The following ATP6V1D variants were observed in gnomAD, a reference collection of about 807,000 sequenced individuals.
ATP6V1D encodes the protein ATPase H+ transporting V1 subunit D.
In ATP6V1D, 20 loss-of-function variants were observed where a neutral mutation model predicts 39.4. The ratio of observed to expected loss-of-function variants is 0.51; its 90% CI spans 0.36 to 0.74. The LOEUF is 0.74. ATP6V1D is among the 30% of genes least tolerant of loss of function. The pLI is 0.00. For missense variants in ATP6V1D, 228 were observed against 291.6 expected (o/e 0.78, Z 1.59); for synonymous variants, 100 against 100.5 (o/e 0.99, Z 0.03).
At chr14:67,352,422 G>A (rs1423574413) in intron 2 of ATP6V1D, among the ~76,000 whole-genome samples, 1 of 145,202 alleles carries the variant, frequency 6.9e-6, no homozygotes, top group Admixed American at 7.0e-5. Context: ...GTAAGACCTT[G>A]CCTCAAAAAA....
intron 1 of ATP6V1D, among the ~76,000 whole-genome samples, chr14:67,357,346 G>T (rs1222713413): frequency 6.6e-6 from 1 of 152,210 alleles, no homozygotes; most frequent in African/African-American, 2.4e-5. Context: ...TAGCTAGGAT[G>T]ATGACTTTTC....
rs1166123829 is a variant in ATP6V1D, at chr14:67,350,691, C to G, written c.160-1G>C. 1 of 1,612,968 alleles carries G rather than the reference C, an allele frequency of 6.2e-7. No individual in the cohort carries two copies. The highest frequency in any genetic ancestry group is 1.1e-5 in the South Asian group (1 of 90,912). On this transcript the variant is annotated splice_acceptor_variant, in intron 2 of 8. Transcript: ENST00000216442. LOFTEE classifies it high-confidence loss of function. ...TCACTTCGCCCATCAACATTTTAGT[C>G]TGGAAAAGCATAAACCAACAGCAGA...
At chr14:67,347,034 T>C (rs1046493700) in intron 5 of ATP6V1D, among the ~76,000 whole-genome samples, 3 of 152,220 alleles carry the variant, frequency 2.0e-5, no homozygotes, top group Non-Finnish European at 4.4e-5. Context: ...TAGCCCAGGC[T>C]GGAGTGCAGT....
chr14:67,343,503 C>T (rs2085600682), intron 6 of ATP6V1D, 65 bp from the exon 7 acceptor site: 2 of 1,152,590 alleles, frequency 1.7e-6, no homozygotes, highest in East Asian at 2.4e-5. Flanking sequence ...GATCACTTGA[C>T]TCCACTAAGA....
chr14:67,343,541 C>T (rs2085600827), intron 6 of ATP6V1D, 103 bp from the exon 7 acceptor site: 2 of 833,758 alleles, frequency 2.4e-6, no homozygotes, highest in Non-Finnish European at 3.8e-6. Context: ...ATTTGAGAAC[C>T]AAGACAACTT....
chr14:67,347,454 C>T lies in ATP6V1D; in HGVS notation c.308-1G>A. ...TGTTCAAATACTGGCAAAGTAACACCTGTTAAACACAGAAGCATACATGGA... is the reference window on the plus strand; with the variant it reads ...TGTTCAAATACTGGCAAAGTAACACTTGTTAAACACAGAAGCATACATGGA... On this transcript the variant is annotated splice_acceptor_variant, in intron 4 of 8. Coordinates refer to ENST00000216442, the MANE Select transcript of ATP6V1D (RefSeq NM_015994.4). LOFTEE classifies it high-confidence loss of function. 6.2e-7 allele frequency: 1 copy of T among 1,605,420 alleles called. No individual in the cohort carries two copies. The highest frequency in any genetic ancestry group is 8.5e-7 in the Non-Finnish European group (1 of 1,173,586).
chr14:67,341,426 G>A (rs545277642), intron 7 of ATP6V1D, among the ~76,000 whole-genome samples: 166 of 151,858 alleles, frequency 1.1e-3, no homozygotes, highest in African/African-American at 3.7e-3. Context: ...AGTGAGGAGC[G>A]TCTCCGCCCA....
At chr14:67,341,105 G>A (rs979474253) in intron 7 of ATP6V1D, among the ~76,000 whole-genome samples, 7 of 152,240 alleles carry the variant, frequency 4.6e-5, no homozygotes, top group African/African-American at 1.7e-4. Flanking sequence ...CCCGGTCTGG[G>A]AAGTGAGGAG....
chr14:67,349,568 C>A (rs959934300), intron 3 of ATP6V1D, among the ~76,000 whole-genome samples: 1 of 152,198 alleles, frequency 6.6e-6, no homozygotes, highest in Non-Finnish European at 1.5e-5. Flanking sequence ...GGTGCGATAG[C>A]TCACGCCTGT....
At chr14:67,341,766 A>G (rs977749839) in intron 7 of ATP6V1D, among the ~76,000 whole-genome samples, 1 of 152,246 alleles carries the variant, frequency 6.6e-6, no homozygotes. Flanking sequence ...GGGAAAAGAT[A>G]GAGAAATCGG....
At position 67,359,772 on chromosome 14, in the gene ATP6V1D, C is replaced by A. The variant is rs759546423; in HGVS notation, c.-74G>T. On this transcript the variant is annotated 5_prime_UTR_variant, in exon 1 of 9. Transcript: ENST00000216442. ...GCAATAGCTCCAGAACTGGCCTCCA[C>A]AGTGTCTTCCTCTACGGGAGTCAGC... 19 of 1,554,364 alleles carry A rather than the reference C, an allele frequency of 1.2e-5. No homozygotes were observed. Among genetic ancestry groups the A allele is most frequent in the Non-Finnish European group, 1.5e-5 (17 of 1,130,142 alleles).
At position 67,357,498 on chromosome 14, in the gene ATP6V1D, C is replaced by T. The variant is rs112571292; in HGVS notation, c.41+2160G>A. 7.6e-3 allele frequency among the ~76,000 whole-genome samples: 1,165 copies of T among 152,310 alleles called. 13 individuals carry two copies. Among genetic ancestry groups the T allele is most frequent in the African/African-American group, 0.025 (1,050 of 41,560 alleles). ...TGAGAGCTTTCAAATAGTAGTTTCA[C>T]CTTCATGAGCCTATCATTTTCTTAC... On this transcript the variant is annotated intron_variant, in intron 1 of 8. Transcript: ENST00000216442.
rs2085640544 is a variant in ATP6V1D, at chr14:67,349,027, G to C, written c.307+10C>G. 2.5e-6 allele frequency: 4 copies of C among 1,613,076 alleles called. No homozygotes were observed. Among genetic ancestry groups the C allele is most frequent in the Non-Finnish European group, 3.4e-6 (4 of 1,179,234 alleles). ...CTCCCCAAAGGGTTTCTAAAAGGTT[G>C]AAACGTTACCTGCTACATTATCTTT... On this transcript the variant is annotated intron_variant, in intron 4 of 8. Coordinates refer to ENST00000216442, the MANE Select transcript of ATP6V1D (RefSeq NM_015994.4).
Position 67,340,525 on chromosome 14 carries a change from TAA to T in ATP6V1D, c.524-9_524-8del, listed in dbSNP as rs33973037. The T allele has an allele frequency of 4.9e-4, 711 of 1,445,188 alleles. No individual in the cohort carries two copies. Among genetic ancestry groups the T allele is most frequent in the African/African-American group, 9.4e-4 (66 of 70,196 alleles). 89.5% of individuals were successfully genotyped at this position (1,445,188 alleles called of 1,614,324 possible). A position where few individuals can be genotyped will look rare whatever the true frequency, so the allele number is the denominator to read the frequency against. ...TCAATCCGGGGAATGATGACTAGAA[TAA>T]AAAAAAAAATAATATGTGTGAGAAC... On this transcript the variant is annotated splice_region_variant and splice_polypyrimidine_tract_variant and intron_variant, in intron 7 of 8. Transcript: ENST00000216442.
chr14:67,347,509 T>TC, intron 4 of ATP6V1D, 56 bp from the exon 5 acceptor site: 1 of 1,492,268 alleles, frequency 6.7e-7, no homozygotes, highest in Non-Finnish European at 9.2e-7. Flanking sequence ...TCTCTTTTTT[T>TC]TTTTTTTCTG....
intron 1 of ATP6V1D, 42 bp downstream of exon 1, chr14:67,359,616 T>A (rs768401580): frequency 5.0e-5 from 80 of 1,611,988 alleles, no homozygotes; most frequent in Non-Finnish European, 6.5e-5. Flanking sequence ...CGCTCCGGGT[T>A]CCTAAACCTG....
Position 67,340,603 on chromosome 14 carries a change from T to C in ATP6V1D, c.524-85A>G, listed in dbSNP as rs533210853. On this transcript the variant is annotated intron_variant, in intron 7 of 8. Coordinates refer to ENST00000216442, the MANE Select transcript of ATP6V1D (RefSeq NM_015994.4). ...AGTGCTCATTTGTATAACAGTTATT[T>C]TTTCCTAATTGTAAAATTAATGTGC... The C allele has an allele frequency of 9.2e-5, 106 of 1,146,922 alleles. 1 individual carries two copies. The South Asian group carries it at 1.3e-3, about 15-fold the overall frequency. The allele number at this position is 1,146,922 out of a possible 1,614,324, so 71.0% of individuals were successfully genotyped here.
intron 7 of ATP6V1D, among the ~76,000 whole-genome samples, chr14:67,340,822 T>C (rs1323408242): frequency 1.3e-5 from 2 of 152,086 alleles, no homozygotes; most frequent in African/African-American, 2.4e-5. Context: ...TGCAGGCGCG[T>C]GCCGCCACGC....
chr14:67,349,444 T>C (rs1374334789), intron 3 of ATP6V1D, among the ~76,000 whole-genome samples: 1 of 152,252 alleles, frequency 6.6e-6, no homozygotes, highest in Non-Finnish European at 1.5e-5. Context: ...AACTCCTTTC[T>C]AGGTTTGCTA....
Sources: allele counts gnomAD v4.1 joint callset (sites outside exome capture counted in the v4.1 genomes callset), GRCh38; gene constraint gnomAD v4.1.1; transcripts MANE v1.5; gene names NCBI Gene and HGNC (gene_info 2026-07-23, HGNC 2026-07-21).